The following APC variants were observed in gnomAD, a reference collection of about 807,000 sequenced individuals.
APC encodes adenomatous polyposis coli protein.
Under a neutral mutation model 247.0 loss-of-function variants are expected in APC, and 72 were observed. That is an observed-to-expected ratio of 0.29 (90% CI 0.24 to 0.35). APC has a LOEUF of 0.35. Ranked by LOEUF, APC falls within the 10% of genes least tolerant of loss-of-function variation. The pLI, the probability that APC is intolerant of heterozygous loss-of-function variation, is 1.00. For synonymous variants in APC, 1,254 were observed against 1,162.5 expected, an observed-to-expected ratio of 1.08 and a Z score of -1.60; for missense variants, 3,400 against 3,360.7, an observed-to-expected ratio of 1.01 and a Z score of -0.29.
intron 4 of APC, among the ~76,000 whole-genome samples, chr5:112,768,377 GA>G (rs1049843236): frequency 3.4e-5 from 5 of 148,102 alleles, no homozygotes; most frequent in Non-Finnish European, 6.0e-5. Context: ...AAAAAAAAAA[GA>G]AAAAAAGTAG....
At position 112,827,258 on chromosome 5, in the gene APC, A is replaced by G. The variant is rs1057521473; in HGVS notation, c.1548+11A>G. On this transcript the variant is annotated intron_variant, in intron 12 of 15. Coordinates refer to ENST00000257430, the MANE Select transcript of APC (RefSeq NM_000038.6). ...GATGTAGCCAACAAGGTATGTTTTT[A>G]TAACATGTATTTCTTAAGATAGCTC... 4 of 1,613,534 alleles carry G rather than the reference A, an allele frequency of 2.5e-6. No individual in the cohort carries two copies. Among genetic ancestry groups the G allele is most frequent in the African/African-American group, 1.3e-5 (1 of 74,908 alleles).
At chr5:112,831,108 T>C (rs1398985525) in intron 14 of APC, among the ~76,000 whole-genome samples, 1 of 151,890 alleles carries the variant, frequency 6.6e-6, no homozygotes, top group African/African-American at 2.4e-5. Flanking sequence ...TAAACTCTTC[T>C]ATAAATTTTT....
chr5:112,845,881 A>G lies in APC; in HGVS notation c.*1755A>G. The stretch of plus-strand genomic sequence containing the variant: ...TCATACACTCTGTATTTGGGGAGGG[A>G]AAACCTTTTTAAGCATGGTGGGGCA... On this transcript the variant is annotated 3_prime_UTR_variant, in exon 16 of 16. Transcript: ENST00000257430. 4.3e-6 allele frequency: 1 copy of G among 232,276 alleles called. No homozygotes were observed. Among genetic ancestry groups the G allele is most frequent in the East Asian group, 6.1e-5 (1 of 16,392 alleles). The allele number at this position is 232,276 out of a possible 1,614,324, so 14.4% of individuals were successfully genotyped here.
At chr5:112,834,238 CTT>C (rs963878310) in intron 14 of APC, among the ~76,000 whole-genome samples, 18 of 126,562 alleles carry the variant, frequency 1.4e-4, no homozygotes, top group Non-Finnish European at 1.9e-4. Context: ...CACGTTGCGC[CTT>C]TTTTTTTTTT....
chr5:112,802,166 T>C (rs569947482), intron 8 of APC, among the ~76,000 whole-genome samples: 28 of 152,142 alleles, frequency 1.8e-4, no homozygotes, highest in Non-Finnish European at 3.8e-4. Flanking sequence ...AAAATTTTCT[T>C]AGTCTCTCTA....
At chr5:112,743,791 A>G (rs576295527) in intron 1 of APC, among the ~76,000 whole-genome samples, 3 of 152,304 alleles carry the variant, frequency 2.0e-5, no homozygotes, top group Admixed American at 6.5e-5. Flanking sequence ...GGGCCACTCT[A>G]ATCCAGTATG....
intron 4 of APC, among the ~76,000 whole-genome samples, chr5:112,768,031 G>A (rs1348281888): frequency 1.3e-5 from 2 of 150,710 alleles, no homozygotes; most frequent in Non-Finnish European, 3.0e-5. Flanking sequence ...GGGTGACATA[G>A]TAAGACTCTT....
At chr5:112,766,175 TTAA>T in intron 2 of APC, 148 bp from the exon 3 acceptor site, 3 of 573,446 alleles carry the variant, frequency 5.2e-6, no homozygotes, top group South Asian at 4.9e-5. Flanking sequence ...GATTTATTTA[TTAA>T]TAATGAATAA....
chr5:112,732,217 A>G (rs1424577940), intron 1 of APC, among the ~76,000 whole-genome samples: 3 of 152,244 alleles, frequency 2.0e-5, no homozygotes, highest in Non-Finnish European at 4.4e-5. Context: ...CCAAATTAAA[A>G]GGCTATTTCA....
In APC at chr5:112,708,869, A is replaced by G. The variant is rs537514670; in HGVS notation, c.165+987A>G. On this transcript the variant is annotated intron_variant, in intron 1 of 13. Coordinates refer to the APC transcript ENST00000507379. ...TCAGTACTCCCTCCTTTATTAGTGG[A>G]GCAAGGGTAGTCAGAATTACTGGTG... 2.4e-4 allele frequency among the ~76,000 whole-genome samples: 37 copies of G among 152,334 alleles called. 1 individual carries two copies. Among genetic ancestry groups the G allele is most frequent in the South Asian group, 1.4e-3 (7 of 4,832 alleles).
chr5:112,758,313 G>GTTTGTTT (rs67638832), intron 2 of APC, among the ~76,000 whole-genome samples: 5 of 151,120 alleles, frequency 3.3e-5, no homozygotes, highest in Non-Finnish European at 7.4e-5. Context: ...TTTTTTGTTT[G>GTTTGTTT]TTTGTTTTTT....
intron 1 of APC, among the ~76,000 whole-genome samples, chr5:112,713,812 C>T (rs1751002457): frequency 6.6e-6 from 1 of 152,064 alleles, no homozygotes; most frequent in Non-Finnish European, 1.5e-5. Flanking sequence ...CGCCTGCCAC[C>T]ACACCCAGCT....
At chr5:112,821,755 T>G in intron 10 of APC, 141 bp from the exon 11 acceptor site, 2 of 675,390 alleles carry the variant, frequency 3.0e-6, no homozygotes, top group Non-Finnish European at 5.2e-6. Flanking sequence ...TTATTCATCC[T>G]TTCAGCAAAT....
chr5:112,840,604 T>G lies in APC; in HGVS notation c.5010T>G (p.Ala1670=). Residue 1670 remains alanine (A), a synonymous_variant, in exon 16 of 16, where the codon GCT becomes GCG. Coordinates refer to ENST00000257430, the MANE Select transcript of APC (RefSeq NM_000038.6). This position sits in a 1 kb window ranked among gnomAD's most constrained non-coding sequence, Gnocchi z 4.1. Reference sequence around the variant, plus strand: ...TCGAATCCCCTCCAAATGAGTTAGCTGCTGGAGAAGGAGTTAGAGGAGGGG... The same window carrying G: ...TCGAATCCCCTCCAAATGAGTTAGCGGCTGGAGAAGGAGTTAGAGGAGGGG... ...LTIESPPNEL[A]AGEGVRGGAQ... is the part of the protein sequence containing the mutation. 1.2e-6 allele frequency: 2 copies of G among 1,614,114 alleles called. No homozygotes were observed. The highest frequency in any genetic ancestry group is 1.7e-6 in the Non-Finnish European group (2 of 1,180,000).
intron 1 of APC, among the ~76,000 whole-genome samples, chr5:112,743,131 T>C (rs1350940882): frequency 6.7e-6 from 1 of 149,864 alleles, no homozygotes; most frequent in East Asian, 1.9e-4. Context: ...TCTCATGGCC[T>C]CTTTCTCCAT....
chr5:112,813,463 G>T (rs184429742), intron 8 of APC, among the ~76,000 whole-genome samples: 2 of 152,008 alleles, frequency 1.3e-5, no homozygotes. Flanking sequence ...AATTTATTAC[G>T]AATTCAGAAA....
chr5:112,720,532 T>G (rs930841733), intron 1 of APC, among the ~76,000 whole-genome samples: 10 of 152,202 alleles, frequency 6.6e-5, no homozygotes, highest in African/African-American at 2.4e-4. Context: ...ATTTTAAACA[T>G]GTGAAAACAG....
chr5:112,774,661 G>T (rs1458438861), intron 4 of APC, among the ~76,000 whole-genome samples: 1 of 151,432 alleles, frequency 6.6e-6, no homozygotes, highest in East Asian at 1.9e-4. Context: ...GGGATTTTGG[G>T]GTTTGGGTTT....
At chr5:112,734,927 G>A (rs1752296383), upstream of APC, among the ~76,000 whole-genome samples, 1 of 151,122 alleles carries the variant, frequency 6.6e-6, no homozygotes, top group African/African-American at 2.4e-5. Context: ...AGTAGCTGGG[G>A]AATGTAATAT....
Sources: gnomAD v4.1 joint callset for allele counts (sites outside exome capture counted in the v4.1 genomes callset) on GRCh38, gnomAD v4.1.1 for gene constraint, Gnocchi (gnomAD v3.1) non-coding constraint, MANE v1.5 for transcripts, NCBI Gene and HGNC (gene_info 2026-07-23, HGNC 2026-07-21) for gene names.